Variants in CDH18 observed in about 807,000 individuals in gnomAD.
The protein encoded by CDH18 is cadherin 18, also known as cadherin-18.
In CDH18, 31 loss-of-function variants were observed where a neutral mutation model predicts 67.9. The observed-to-expected ratio is 0.46, with a 90% confidence interval of 0.34 to 0.62. The LOEUF is 0.62. Ranked by LOEUF, CDH18 falls within the 20% of genes least tolerant of loss-of-function variation. CDH18 has a pLI of 0.01. For synonymous variants in CDH18, 362 were observed against 347.2 expected (o/e 1.04, Z -0.48); for missense variants, 890 against 975.5 (o/e 0.91, Z 1.17).
intron 5 of CDH18, among the ~76,000 whole-genome samples, chr5:19,695,452 C>G (rs900155877): frequency 9.2e-5 from 14 of 152,264 alleles, no homozygotes; most frequent in East Asian, 1.9e-4. Flanking sequence ...TCTGCTTATA[C>G]AGCAGAAATA....
intron 1 of CDH18, among the ~76,000 whole-genome samples, chr5:20,319,552 C>T (rs73056749): frequency 0.11 from 16,573 of 152,046 alleles, 1,503 homozygotes; most frequent in East Asian, 0.37. Context: ...TCAAAGTTAA[C>T]ACATTATTTG....
intron 8 of CDH18, among the ~76,000 whole-genome samples, chr5:19,559,926 A>AC (rs933037932): frequency 4.0e-5 from 5 of 126,542 alleles, no homozygotes; most frequent in African/African-American, 1.5e-4. Flanking sequence ...AAAAACAAAC[A>AC]AAAAAAAAAC....
At chr5:20,129,969 G>T (rs1229013531) in intron 2 of CDH18, among the ~76,000 whole-genome samples, 1 of 151,464 alleles carries the variant, frequency 6.6e-6, no homozygotes, top group Non-Finnish European at 1.5e-5. Context: ...AGGGAAAAAT[G>T]ATTTGTTAGA....
At chr5:20,519,023 A>C (rs1181458387) in intron 1 of CDH18, among the ~76,000 whole-genome samples, 1 of 152,160 alleles carries the variant, frequency 6.6e-6, no homozygotes, top group Non-Finnish European at 1.5e-5. Flanking sequence ...AAAACAGAAA[A>C]AGCCAAAAAT....
At chr5:20,250,381 C>T (rs1426948727) in intron 2 of CDH18, among the ~76,000 whole-genome samples, 2 of 151,548 alleles carry the variant, frequency 1.3e-5, no homozygotes, top group Admixed American at 6.6e-5. Context: ...CAACCTCCGC[C>T]TCCCGGATTC....
At chr5:20,080,015 C>T (rs946323518) in intron 2 of CDH18, among the ~76,000 whole-genome samples, 2 of 152,142 alleles carry the variant, frequency 1.3e-5, no homozygotes, top group African/African-American at 4.8e-5. Context: ...AAAGAACTCA[C>T]CTCCAAATAA....
At chr5:20,008,933 G>C (rs551810381) in intron 2 of CDH18, among the ~76,000 whole-genome samples, 5 of 152,098 alleles carry the variant, frequency 3.3e-5, no homozygotes, top group Non-Finnish European at 7.4e-5. Flanking sequence ...TATCTAATGA[G>C]AGACGTTAGT....
chr5:20,146,095 C>T (rs1750621148), intron 2 of CDH18, among the ~76,000 whole-genome samples: 1 of 152,086 alleles, frequency 6.6e-6, no homozygotes, highest in Non-Finnish European at 1.5e-5. Flanking sequence ...CTGGTCTCCT[C>T]CTAGAATGGG....
At chr5:20,242,611 A>AATATAT (rs1554106656) in intron 2 of CDH18, among the ~76,000 whole-genome samples, 3 of 39,470 alleles carry the variant, frequency 7.6e-5, no homozygotes, top group African/African-American at 3.4e-4. Context: ...AAAAAAAAAA[A>AATATAT]ATATATATAT....
chr5:20,027,588 C>T (rs1412562020), intron 2 of CDH18, among the ~76,000 whole-genome samples: 1 of 152,116 alleles, frequency 6.6e-6, no homozygotes, highest in Non-Finnish European at 1.5e-5. Context: ...AGTGTTTCCC[C>T]CATTTTGCTA....
intron 5 of CDH18, among the ~76,000 whole-genome samples, chr5:19,664,929 C>T (rs1025250367): frequency 3.3e-5 from 5 of 151,772 alleles, no homozygotes; most frequent in African/African-American, 9.7e-5. Flanking sequence ...CGTAGAGTTG[C>T]GGACTTCATG....
At chr5:19,656,591 T>C (rs13183491) in intron 5 of CDH18, among the ~76,000 whole-genome samples, 57,506 of 151,968 alleles carry the variant, frequency 0.38, 12,366 homozygotes, top group Middle Eastern at 0.55. Context: ...TCTATAAATA[T>C]ATAAAATGTC....
intron 5 of CDH18, among the ~76,000 whole-genome samples, chr5:19,651,895 A>C (rs763778088): frequency 1.3e-5 from 2 of 152,076 alleles, no homozygotes; most frequent in Non-Finnish European, 2.9e-5. Flanking sequence ...ACCTCTCAGA[A>C]TAGCAGTTTC....
chr5:19,748,297 T>G (rs1770394531), intron 3 of CDH18, among the ~76,000 whole-genome samples: 1 of 151,906 alleles, frequency 6.6e-6, no homozygotes, highest in Admixed American at 6.6e-5. Flanking sequence ...TTATCAAATA[T>G]TATTTGAATA....
intron 1 of CDH18, among the ~76,000 whole-genome samples, chr5:20,479,864 A>G (rs567169866): frequency 6.2e-4 from 94 of 152,318 alleles, no homozygotes; most frequent in Middle Eastern, 3.4e-3. Context: ...GTCATGATAA[A>G]GAAAGTAACC....
chr5:20,403,404 G>C (rs1007954186), intron 1 of CDH18, among the ~76,000 whole-genome samples: 1 of 152,060 alleles, frequency 6.6e-6, no homozygotes, highest in Non-Finnish European at 1.5e-5. Flanking sequence ...CAGTATCTGA[G>C]GGTTGAAAAG....
At chr5:20,106,290 C>G (rs1386997314) in intron 2 of CDH18, among the ~76,000 whole-genome samples, 3 of 152,158 alleles carry the variant, frequency 2.0e-5, no homozygotes, top group African/African-American at 7.2e-5. Context: ...AAAGGGTTTT[C>G]CCTGTTTACG....
chr5:19,811,455 C>G (rs981374352), intron 3 of CDH18, among the ~76,000 whole-genome samples: 2 of 151,922 alleles, frequency 1.3e-5, no homozygotes, highest in Non-Finnish European at 2.9e-5. Context: ...GGAGAGAGAC[C>G]TAGAACAGAT....
At chr5:20,526,791 A>C (rs1756094761) in intron 1 of CDH18, among the ~76,000 whole-genome samples, 1 of 152,124 alleles carries the variant, frequency 6.6e-6, no homozygotes, top group Admixed American at 6.5e-5. Context: ...GTAAATCCAC[A>C]AAGACGAGGA....
Sources: gnomAD v4.1 joint callset for allele counts (sites outside exome capture counted in the v4.1 genomes callset) on GRCh38, gnomAD v4.1.1 for gene constraint, MANE v1.5 for transcripts, NCBI Gene and HGNC (gene_info 2026-07-23, HGNC 2026-07-21) for gene names.